RYK: variants seen among roughly 807,000 people sequenced by gnomAD.
RYK encodes the protein receptor like tyrosine kinase, also known as inactive tyrosine-protein kinase RYK.
In RYK, 21 loss-of-function variants were observed where a neutral mutation model predicts 70.2. The observed-to-expected ratio is 0.30, with a 90% CI of 0.21 to 0.43. The LOEUF is 0.43. RYK is among the 20% of genes least tolerant of loss of function. RYK has a pLI of 1.00. For synonymous variants in RYK, 267 were observed against 278.0 expected, an observed-to-expected ratio of 0.96 and a Z score of 0.39; for missense variants, 604 against 753.3, an observed-to-expected ratio of 0.80 and a Z score of 2.32.
At chr3:134,185,291 G>A (rs2013425177) in intron 9 of RYK, among the ~76,000 whole-genome samples, 1 of 152,188 alleles carries the variant, frequency 6.6e-6, no homozygotes, top group East Asian at 1.9e-4. Context: ...ACTGAATTCA[G>A]ATACTATGAT....
intron 8 of RYK, among the ~76,000 whole-genome samples, chr3:134,191,204 T>A (rs2013631448): frequency 6.6e-6 from 1 of 152,160 alleles, no homozygotes; most frequent in African/African-American, 2.4e-5. Flanking sequence ...TCTTTCAGCA[T>A]CTCCCTAATC....
intron 6 of RYK, chr3:134,195,399 C>T (rs2013780259): frequency 7.1e-6 from 3 of 423,668 alleles, no homozygotes; most frequent in Non-Finnish European, 1.3e-5. Context: ...TAAGCGAGTT[C>T]ATCTTATCAA....
chr3:134,206,494 T>C (rs544117704), intron 5 of RYK, among the ~76,000 whole-genome samples: 7 of 152,322 alleles, frequency 4.6e-5, no homozygotes, highest in Admixed American at 1.3e-4. Context: ...TAGGCTTCAT[T>C]TGGATCTTGA....
In RYK at chr3:134,178,006, T is replaced by A; in HGVS notation, c.1240A>T (p.Met414Leu). ...GEKPMVILPY[M>L]NWGNLKLFLR... ...AACAATTTAAGATTCCCCCAATTCA[T>A]GTAAGGCAATATCACCATGGGCTTT... Residue 414 changes from methionine (M) to leucine (L), a missense_variant, in exon 11 of 15, where the codon ATG (methionine) becomes TTG (leucine). By Grantham distance (15) the Met-to-Leu change is conservative. Coordinates refer to ENST00000623711, the MANE Select transcript of RYK (RefSeq NM_002958.4). 6.2e-7 allele frequency: 1 copy of A among 1,610,932 alleles called. No homozygotes were observed. Among genetic ancestry groups the A allele is most frequent in the East Asian group, 2.2e-5 (1 of 44,790 alleles).
chr3:134,213,766 T>C (rs1402899777), intron 2 of RYK, among the ~76,000 whole-genome samples: 1 of 152,146 alleles, frequency 6.6e-6, no homozygotes, highest in Non-Finnish European at 1.5e-5. Flanking sequence ...CAGACATCCC[T>C]TCCTCATGCC....
At chr3:134,176,649 G>A (rs975209442) in intron 11 of RYK, among the ~76,000 whole-genome samples, 1 of 152,178 alleles carries the variant, frequency 6.6e-6, no homozygotes, top group African/African-American at 2.4e-5. Flanking sequence ...AGGAGGCTGA[G>A]GTGGGAGGAT....
chr3:134,182,974 C>G, intron 10 of RYK, 28 bp downstream of exon 10: 8 of 1,506,506 alleles, frequency 5.3e-6, no homozygotes, highest in South Asian at 1.3e-5. Flanking sequence ...ATGCTCAACA[C>G]TGAAATGCTG....
chr3:134,162,969 CT>C (rs1281545051), intron 13 of RYK, among the ~76,000 whole-genome samples: 2 of 152,158 alleles, frequency 1.3e-5, no homozygotes, highest in Admixed American at 1.3e-4. Context: ...ATTATAACAC[CT>C]TCTGACTTTA....
intron 6 of RYK, among the ~76,000 whole-genome samples, chr3:134,200,344 A>C (rs373461711): frequency 1.3e-5 from 2 of 152,108 alleles, no homozygotes; most frequent in Non-Finnish European, 1.5e-5. Context: ...TAAGAGCTAT[A>C]ACACTCACTG....
intron 13 of RYK, among the ~76,000 whole-genome samples, chr3:134,165,053 C>A (rs2012613617): frequency 6.6e-6 from 1 of 152,160 alleles, no homozygotes; most frequent in African/African-American, 2.4e-5. Context: ...GGGTGTACCT[C>A]TCCTATTGTG....
chr3:134,189,740 C>CAAAAAAAAAAAAAAAAAACA (rs2013585612), intron 8 of RYK, among the ~76,000 whole-genome samples: 1 of 92,668 alleles, frequency 1.1e-5, no homozygotes, highest in Non-Finnish European at 2.1e-5. Context: ...GAGACTCCGC[C>CAAAAAAAAAAAAAAAAAACA]AAAAAAAAAA....
At chr3:134,196,497 T>A (rs148077745) in intron 6 of RYK, among the ~76,000 whole-genome samples, 3 of 151,900 alleles carry the variant, frequency 2.0e-5, no homozygotes, top group Non-Finnish European at 4.4e-5. Context: ...GCTGCAGCTA[T>A]TTGGAAGGCT....
chr3:134,181,168 T>C (rs2013281654), intron 10 of RYK: 1 of 152,262 alleles, frequency 6.6e-6, no homozygotes, highest in Non-Finnish European at 1.5e-5. Flanking sequence ...GAACATTGGC[T>C]AGGTATCTAA....
In RYK at chr3:134,158,029, G is replaced by C; in HGVS notation, c.*124C>G. ...GTTCAGATTCTAAAGCATTTCTAAG[G>C]CACGGTGTTCTGGAAGACAAATGTG... On this transcript the variant is annotated 3_prime_UTR_variant, in exon 15 of 15. Coordinates refer to ENST00000623711, the MANE Select transcript of RYK (RefSeq NM_002958.4). 1 of 427,974 alleles carries C rather than the reference G, an allele frequency of 2.3e-6. No homozygotes were observed. Among genetic ancestry groups the C allele is most frequent in the African/African-American group, 2.0e-5 (1 of 49,358 alleles). The allele number at this position is 427,974 out of a possible 1,614,324, so 26.5% of individuals were successfully genotyped here.
chr3:134,235,946 G>A (rs2015189390), intron 1 of RYK, among the ~76,000 whole-genome samples: 1 of 152,032 alleles, frequency 6.6e-6, no homozygotes, highest in Admixed American at 6.6e-5. Context: ...GCTATAGTTA[G>A]GAAATTCCAA....
At chr3:134,192,875 C>A (rs928611184) in intron 7 of RYK, among the ~76,000 whole-genome samples, 1 of 152,120 alleles carries the variant, frequency 6.6e-6, no homozygotes, top group African/African-American at 2.4e-5. Flanking sequence ...GATAGACTGT[C>A]TAGGTGTGTG....
At chr3:134,213,202 G>C (rs2014454379) in intron 2 of RYK, among the ~76,000 whole-genome samples, 1 of 152,160 alleles carries the variant, frequency 6.6e-6, no homozygotes. Flanking sequence ...CTCTGAACAG[G>C]ACCATACATG....
intron 6 of RYK, among the ~76,000 whole-genome samples, chr3:134,199,340 G>A (rs183187107): frequency 9.2e-5 from 14 of 152,334 alleles, no homozygotes; most frequent in African/African-American, 3.1e-4. Flanking sequence ...TCACCAGACT[G>A]TGTGAGGATT....
intron 1 of RYK, among the ~76,000 whole-genome samples, chr3:134,246,278 A>C (rs2015461902): frequency 6.7e-6 from 1 of 149,050 alleles, no homozygotes; most frequent in Admixed American, 6.7e-5. Context: ...TCAACAACCA[A>C]ACCAACAGAC....
Sources: gnomAD v4.1 joint callset for allele counts (sites outside exome capture counted in the v4.1 genomes callset) on GRCh38, gnomAD v4.1.1 for gene constraint, MANE v1.5 for transcripts, NCBI Gene and HGNC (gene_info 2026-07-23, HGNC 2026-07-21) for gene names.